Variants in ALCAM observed in about 807,000 individuals in gnomAD.
The protein encoded by ALCAM is CD166 antigen.
In ALCAM, 30 loss-of-function variants were observed where a neutral mutation model predicts 70.9. The ratio of observed to expected loss-of-function variants is 0.42; its 90% CI spans 0.32 to 0.57. ALCAM has a LOEUF of 0.57. ALCAM is among the 20% of genes least tolerant of loss of function. The pLI is 0.11. For synonymous variants in ALCAM, 249 were observed against 242.5 expected (o/e 1.03, Z -0.25); for missense variants, 591 against 695.1 (o/e 0.85, Z 1.68).
At chr3:105,517,757 G>T (rs1939419972) in intron 1 of ALCAM, among the ~76,000 whole-genome samples, 1 of 152,104 alleles carries the variant, frequency 6.6e-6, no homozygotes, top group Non-Finnish European at 1.5e-5. Flanking sequence ...AGATATGAAT[G>T]GCTTTAGAGT....
At position 105,409,432 on chromosome 3, in the gene ALCAM, C is replaced by T. The variant is rs185778765; in HGVS notation, c.73+41951C>T. ...CAACCTGTATAGAATTGGAGACTATCATTCGAAGTTAAGTAACTCAAGAAT... is the reference window on the plus strand; with the variant it reads ...CAACCTGTATAGAATTGGAGACTATTATTCGAAGTTAAGTAACTCAAGAAT... On this transcript the variant is annotated intron_variant, in intron 1 of 15. Transcript: ENST00000306107. 1.2e-3 allele frequency among the ~76,000 whole-genome samples: 184 copies of T among 152,124 alleles called. 1 individual carries two copies. The highest frequency in any genetic ancestry group is 4.3e-3 in the African/African-American group (177 of 41,514).
chr3:105,384,984 A>T (rs1211263047), intron 1 of ALCAM, among the ~76,000 whole-genome samples: 1 of 151,568 alleles, frequency 6.6e-6, no homozygotes, highest in Non-Finnish European at 1.5e-5. Flanking sequence ...TTCTGGATTA[A>T]TCAAAGAGGC....
chr3:105,462,278 G>T (rs756590698), intron 1 of ALCAM, among the ~76,000 whole-genome samples: 2 of 151,408 alleles, frequency 1.3e-5, no homozygotes, highest in African/African-American at 4.8e-5. Flanking sequence ...TTGTTCCTTG[G>T]CTCTTATGCC....
In ALCAM at chr3:105,517,665, A is replaced by G. The variant is rs76528233; in HGVS notation, c.74-2402A>G. ...GTCATTCCATCTGTGAATTCCTATA[A>G]AATGTGTTTGCTGTTTGTTTCTCCT... On this transcript the variant is annotated intron_variant, in intron 1 of 15. Coordinates refer to ENST00000306107, the MANE Select transcript of ALCAM (RefSeq NM_001627.4). Among the ~76,000 whole-genome samples, 869 of 152,252 alleles carry G rather than the reference A, an allele frequency of 5.7e-3. 7 individuals carry two copies. Among genetic ancestry groups the G allele is most frequent in the African/African-American group, 0.02 (839 of 41,556 alleles).
intron 6 of ALCAM, among the ~76,000 whole-genome samples, chr3:105,535,391 A>G (rs1048121538): frequency 6.6e-6 from 1 of 152,138 alleles, no homozygotes; most frequent in Non-Finnish European, 1.5e-5. Flanking sequence ...TTAGCTGTAG[A>G]TATTAGAATA....
Position 105,527,890 on chromosome 3 carries a change from A to C in ALCAM, c.394+3382A>C, listed in dbSNP as rs546621406. ...TTCACCCTCCTCCTAAAAGTCATTC[A>C]ACCTAAAAGTAAAATTTTGGGGGGC... On this transcript the variant is annotated intron_variant, in intron 3 of 15. Transcript: ENST00000306107. 1.5e-4 allele frequency among the ~76,000 whole-genome samples: 23 copies of C among 150,302 alleles called. No individual in the cohort carries two copies. In the South Asian group the frequency reaches 4.4e-3, roughly 28 times the overall value.
At chr3:105,396,096 A>T (rs1441341750) in intron 1 of ALCAM, among the ~76,000 whole-genome samples, 1 of 152,000 alleles carries the variant, frequency 6.6e-6, no homozygotes, top group Non-Finnish European at 1.5e-5. Flanking sequence ...AAGCACAATA[A>T]TAACTGCCTA....
intron 1 of ALCAM, among the ~76,000 whole-genome samples, chr3:105,414,293 A>G (rs73179378): frequency 0.11 from 16,856 of 151,480 alleles, 1,057 homozygotes; most frequent in Middle Eastern, 0.17. Flanking sequence ...CTGCGCACCT[A>G]TGGTCCTAGG....
chr3:105,496,546 T>C (rs1307368888), intron 1 of ALCAM, among the ~76,000 whole-genome samples: 1 of 152,104 alleles, frequency 6.6e-6, no homozygotes, highest in African/African-American at 2.4e-5. Context: ...AAATGCCTAT[T>C]TTGTATCTCC....
chr3:105,447,693 C>CA (rs1455645290), intron 1 of ALCAM, among the ~76,000 whole-genome samples: 13 of 152,138 alleles, frequency 8.5e-5, no homozygotes, highest in African/African-American at 3.1e-4. Context: ...GCCTGGGTGA[C>CA]AGAGCAAGAA....
At chr3:105,431,837 C>T (rs1936938618) in intron 1 of ALCAM, among the ~76,000 whole-genome samples, 2 of 152,112 alleles carry the variant, frequency 1.3e-5, no homozygotes, top group Non-Finnish European at 2.9e-5. Flanking sequence ...AGAAGCCGTT[C>T]TTCCCAAACT....
intron 1 of ALCAM, among the ~76,000 whole-genome samples, chr3:105,476,888 G>T (rs1185858139): frequency 6.6e-6 from 1 of 152,028 alleles, no homozygotes; most frequent in East Asian, 1.9e-4. Flanking sequence ...TGTGTTGTGG[G>T]AGGGAGTCAG....
chr3:105,556,696 C>G (rs1386553005), intron 14 of ALCAM, among the ~76,000 whole-genome samples: 1 of 151,854 alleles, frequency 6.6e-6, no homozygotes, highest in Non-Finnish European at 1.5e-5. Context: ...CTGTTGGTGT[C>G]TCTTAATATA....
chr3:105,499,302 C>T (rs1402048285), intron 1 of ALCAM, among the ~76,000 whole-genome samples: 1 of 151,844 alleles, frequency 6.6e-6, no homozygotes, highest in Non-Finnish European at 1.5e-5. Flanking sequence ...GAGAGGAGAC[C>T]AAAACTTAAG....
rs537825584 is a variant in ALCAM at position 105,567,424 on chromosome 3, TCTG to T, written c.1665-4425_1665-4423del. Among the ~76,000 whole-genome samples, 147 of 152,178 alleles carry T rather than the reference TCTG, an allele frequency of 9.7e-4. 6 individuals are homozygous for T. The South Asian group carries it at 0.03, about 31-fold the overall frequency. ...CTATCATCTCACAGGCCACTGAAGA[TCTG>T]CTCACTTTTTTTTTTTCCACTGCCC... On this transcript the variant is annotated intron_variant, in intron 14 of 15. Coordinates refer to ENST00000306107, the MANE Select transcript of ALCAM (RefSeq NM_001627.4).
At chr3:105,461,794 A>G (rs980304597) in intron 1 of ALCAM, among the ~76,000 whole-genome samples, 2 of 151,772 alleles carry the variant, frequency 1.3e-5, no homozygotes, top group African/African-American at 4.8e-5. Flanking sequence ...ACAGGGATAC[A>G]TAGAAATATT....
chr3:105,408,636 T>G (rs1388316729), intron 1 of ALCAM, among the ~76,000 whole-genome samples: 1 of 151,912 alleles, frequency 6.6e-6, no homozygotes, highest in Non-Finnish European at 1.5e-5. Context: ...AGACATTGAG[T>G]TAGGCAAAGA....
intron 1 of ALCAM, among the ~76,000 whole-genome samples, chr3:105,400,981 A>G (rs1477236860): frequency 1.3e-5 from 2 of 152,228 alleles, no homozygotes; most frequent in Non-Finnish European, 2.9e-5. Context: ...GGCACTCAAG[A>G]ATCGAACTAT....
intron 1 of ALCAM, among the ~76,000 whole-genome samples, chr3:105,451,328 A>T (rs1455629891): frequency 1.3e-5 from 2 of 151,500 alleles, no homozygotes; most frequent in East Asian, 3.9e-4. Flanking sequence ...GGAGGAAAGG[A>T]GGGAGGGATA....
Sources: allele counts gnomAD v4.1 joint callset (sites outside exome capture counted in the v4.1 genomes callset), GRCh38; gene constraint gnomAD v4.1.1; transcripts MANE v1.5; gene names NCBI Gene and HGNC (gene_info 2026-07-23, HGNC 2026-07-21).